Variants in PDE3A observed in about 807,000 individuals in gnomAD.
The protein encoded by PDE3A is phosphodiesterase 3A, also known as cGMP-inhibited 3',5'-cyclic phosphodiesterase 3A.
PDE3A carries 43 observed loss-of-function variants against 98.3 expected under a neutral mutation model. The ratio of observed to expected loss-of-function variants is 0.44; its 90% CI spans 0.34 to 0.56. PDE3A has a LOEUF of 0.56. Ranked by LOEUF, PDE3A falls within the 20% of genes least tolerant of loss-of-function variation. The pLI, the probability that PDE3A is intolerant of heterozygous loss-of-function variation, is 0.01. For missense variants in PDE3A, 1,427 were observed against 1,440.7 expected, an observed-to-expected ratio of 0.99 and a Z score of 0.15; for synonymous variants, 663 against 567.9, an observed-to-expected ratio of 1.17 and a Z score of -2.38.
At chr12:20,436,642 G>A (rs1433845519) in intron 1 of PDE3A, among the ~76,000 whole-genome samples, 1 of 152,188 alleles carries the variant, frequency 6.6e-6, no homozygotes, top group Non-Finnish European at 1.5e-5. Context: ...TCTGAGGGAA[G>A]TGAATAAGGG....
At chr12:20,533,868 A>G (rs1592028309) in intron 1 of PDE3A, among the ~76,000 whole-genome samples, 1 of 152,286 alleles carries the variant, frequency 6.6e-6, no homozygotes, top group Non-Finnish European at 1.5e-5. Context: ...TACATTTACT[A>G]AATTCTTAGC....
At chr12:20,383,948 A>G (rs943996299) in intron 1 of PDE3A, among the ~76,000 whole-genome samples, 3 of 152,070 alleles carry the variant, frequency 2.0e-5, no homozygotes, top group South Asian at 2.1e-4. Flanking sequence ...AAGGAAACCA[A>G]TTAAGATTGT....
At chr12:20,670,299 A>C (rs1945437146) in intron 15 of PDE3A, among the ~76,000 whole-genome samples, 1 of 147,590 alleles carries the variant, frequency 6.8e-6, no homozygotes, top group Non-Finnish European at 1.5e-5. Context: ...CGAGACAGAA[A>C]GTCAACAAGG....
intron 6 of PDE3A, 72 bp from the exon 7 acceptor site, chr12:20,633,621 A>G (rs1048701653): frequency 1.4e-6 from 1 of 710,620 alleles, no homozygotes; most frequent in Non-Finnish European, 2.4e-6. Flanking sequence ...CTTAATGTAT[A>G]CATAGATGGT....
intron 2 of PDE3A, among the ~76,000 whole-genome samples, chr12:20,612,012 G>A (rs893417201): frequency 1.3e-5 from 2 of 151,352 alleles, no homozygotes; most frequent in Admixed American, 6.6e-5. Context: ...TATTTCTTTC[G>A]ACCAGATATG....
chr12:20,391,904 G>A (rs927071990), intron 1 of PDE3A, among the ~76,000 whole-genome samples: 2 of 151,856 alleles, frequency 1.3e-5, no homozygotes, highest in African/African-American at 4.8e-5. Context: ...ACAATAATTT[G>A]TGAACCTTTT....
intron 1 of PDE3A, among the ~76,000 whole-genome samples, chr12:20,524,742 C>T (rs1037096458): frequency 1.3e-5 from 2 of 151,904 alleles, no homozygotes; most frequent in South Asian, 2.1e-4. Context: ...AAGAAGTAAC[C>T]ATTCCACAAT....
At chr12:20,610,525 C>G (rs993600430) in intron 2 of PDE3A, among the ~76,000 whole-genome samples, 9 of 151,734 alleles carry the variant, frequency 5.9e-5, no homozygotes, top group African/African-American at 2.2e-4. Flanking sequence ...CTATATGATC[C>G]AAATAAGATA....
At chr12:20,670,313 C>T (rs1422906436) in intron 15 of PDE3A, among the ~76,000 whole-genome samples, 2 of 147,356 alleles carry the variant, frequency 1.4e-5, no homozygotes, top group African/African-American at 2.6e-5. Flanking sequence ...AACAAGGATA[C>T]CCAGGAATTG....
chr12:20,636,300 C>T (rs146126032), intron 8 of PDE3A, among the ~76,000 whole-genome samples: 2 of 152,264 alleles, frequency 1.3e-5, no homozygotes, highest in African/African-American at 4.8e-5. Flanking sequence ...AAACTGTTGA[C>T]TCTCAAGTGA....
intron 1 of PDE3A, among the ~76,000 whole-genome samples, chr12:20,469,000 A>G (rs1945390973): frequency 6.6e-6 from 1 of 152,162 alleles, no homozygotes; most frequent in Non-Finnish European, 1.5e-5. Flanking sequence ...TCCACACTGC[A>G]CTGGAGGAGA....
chr12:20,685,803 C>G lies in PDE3A; in HGVS notation c.*5532C>G, dbSNP rs1945945494. On this transcript the variant is annotated 3_prime_UTR_variant, in exon 16 of 16. Coordinates refer to ENST00000359062, the MANE Select transcript of PDE3A (RefSeq NM_000921.5). ...AATGTTGAACATGTTCATGTTCTGA[C>G]AATGAAGCAATGATTTCCTCATTGC... Among the ~76,000 whole-genome samples the G allele has an allele frequency of 6.6e-6, 1 of 152,046 alleles. No individual in the cohort carries two copies. Among genetic ancestry groups the G allele is most frequent in the Non-Finnish European group, 1.5e-5 (1 of 68,010 alleles).
chr12:20,663,875 T>G (rs1361333202), intron 15 of PDE3A, among the ~76,000 whole-genome samples: 1 of 151,866 alleles, frequency 6.6e-6, no homozygotes, highest in Non-Finnish European at 1.5e-5. Context: ...TTGGGAGAGG[T>G]GAGGGGCAGA....
intron 1 of PDE3A, among the ~76,000 whole-genome samples, chr12:20,509,731 T>C (rs1428554629): frequency 6.6e-6 from 1 of 152,080 alleles, no homozygotes; most frequent in African/African-American, 2.4e-5. Flanking sequence ...AAATGTCTTT[T>C]CTTCTCTTTA....
intron 2 of PDE3A, among the ~76,000 whole-genome samples, chr12:20,564,033 G>A (rs1448233097): frequency 6.6e-6 from 1 of 152,086 alleles, no homozygotes; most frequent in Non-Finnish European, 1.5e-5. Flanking sequence ...AATCATAGTA[G>A]GGATATTGCT....
At chr12:20,451,964 T>A (rs1945073112) in intron 1 of PDE3A, among the ~76,000 whole-genome samples, 1 of 152,216 alleles carries the variant, frequency 6.6e-6, no homozygotes. Flanking sequence ...TCACTGGCTC[T>A]TCATCTGATC....
intron 1 of PDE3A, among the ~76,000 whole-genome samples, chr12:20,497,991 G>A (rs142870389): frequency 1.1e-4 from 17 of 152,184 alleles, no homozygotes; most frequent in African/African-American, 3.4e-4. Flanking sequence ...TACCAATTGC[G>A]TATGAGCTAA....
intron 15 of PDE3A, among the ~76,000 whole-genome samples, chr12:20,654,777 G>A (rs1437113650): frequency 6.7e-6 from 1 of 149,772 alleles, no homozygotes; most frequent in African/African-American, 2.5e-5. Context: ...CTCCCAAAGT[G>A]CTGGGATTAC....
chr12:20,573,765 A>C (rs940618084), intron 2 of PDE3A, among the ~76,000 whole-genome samples: 1 of 152,080 alleles, frequency 6.6e-6, no homozygotes, highest in Admixed American at 6.6e-5. Context: ...TTATTTGCTA[A>C]ACCTGAATTT....
Sources: gnomAD v4.1 joint callset for allele counts (sites outside exome capture counted in the v4.1 genomes callset) on GRCh38, gnomAD v4.1.1 for gene constraint, MANE v1.5 for transcripts, NCBI Gene and HGNC (gene_info 2026-07-23, HGNC 2026-07-21) for gene names.